TEX2: variants seen among roughly 807,000 people sequenced by gnomAD.
TEX2 encodes testis-expressed protein 2.
Under a neutral mutation model 106.9 loss-of-function variants are expected in TEX2, and 53 were observed. That is an observed-to-expected ratio of 0.50 (90% CI 0.40 to 0.62). The LOEUF (loss-of-function observed/expected upper bound fraction) is 0.62. Among genes scored for constraint, TEX2 ranks in the 20% least tolerant of loss-of-function variants. TEX2 has a pLI of 0.00. For synonymous variants in TEX2, 523 were observed against 534.8 expected (o/e 0.98, Z 0.30); for missense variants, 1,207 against 1,379.0 (o/e 0.88, Z 1.98).
rs369678103 is a variant in TEX2, at chr17:64,154,903, C to T, written c.2869G>A (p.Glu957Lys). 27 of 1,610,112 alleles carry T rather than the reference C, an allele frequency of 1.7e-5. No homozygotes were observed. The African/African-American group carries it at 2.5e-4, about 15-fold the overall frequency. ...DEESSSAGSS[E>K]EDDAPEPSGG... ...CTGGGCTCTGGGGCATCGTCTTCCT[C>T]GGAGGAGCCAGCGCTGGAGGATTCC... Residue 957 changes from glutamate (E) to lysine (K), a missense_variant, in exon 9 of 12, where the codon GAG becomes AAG. Coordinates refer to ENST00000584379, the MANE Select transcript of TEX2 (RefSeq NM_001288732.2).
chr17:64,248,991 C>T (rs1423174358), intron 1 of TEX2, among the ~76,000 whole-genome samples: 3 of 151,138 alleles, frequency 2.0e-5, no homozygotes, highest in Admixed American at 2.0e-4. Flanking sequence ...GCCGAGATTA[C>T]GCCACTGCAC....
In TEX2 at chr17:64,148,738, A is replaced by G. The variant is rs1036831407; in HGVS notation, c.*231T>C. 5.9e-6 allele frequency: 3 copies of G among 506,238 alleles called. No homozygotes were observed. Among genetic ancestry groups the G allele is most frequent in the South Asian group, 2.7e-5 (1 of 36,608 alleles). The allele number at this position is 506,238 out of a possible 1,614,324, so 31.4% of individuals were successfully genotyped here. On this transcript the variant is annotated 3_prime_UTR_variant, in exon 12 of 12. Coordinates refer to ENST00000584379, the MANE Select transcript of TEX2 (RefSeq NM_001288732.2). Reference sequence around the variant, plus strand: ...CTTCTGGATCCACCATGATTCTTCCATGGTCTCCTTTGCCAAATCAAAGCT... The same window carrying G: ...CTTCTGGATCCACCATGATTCTTCCGTGGTCTCCTTTGCCAAATCAAAGCT...
chr17:64,157,958 C>A (rs1288269407), intron 8 of TEX2, among the ~76,000 whole-genome samples: 1 of 152,204 alleles, frequency 6.6e-6, no homozygotes, highest in Non-Finnish European at 1.5e-5. Flanking sequence ...TAAAGGCCAC[C>A]CAAAAGGCAG....
At position 64,193,711 on chromosome 17, in the gene TEX2, T is replaced by G; in HGVS notation, c.2024A>C (p.Gln675Pro). 6.2e-7 allele frequency: 1 copy of G among 1,612,754 alleles called. No individual in the cohort carries two copies. The highest frequency in any genetic ancestry group is 8.5e-7 in the Non-Finnish European group (1 of 1,179,350). ...SEDPKKPPRP[Q>P]EGTRSSQRDQ... ...TCGCTGGCTAGATCTTGTTCCCTCC[T>G]GAGGGCGGGGTGGCTTCTTAGGGTC... Residue 675 changes from glutamine to proline, a missense_variant, in exon 4 of 12, where the codon CAG (glutamine) becomes CCG (proline). This residue lies in a region of TEX2 where 1,067 missense variants were observed against 1,193.6 expected (regional missense o/e 0.89). Coordinates refer to ENST00000584379, the MANE Select transcript of TEX2 (RefSeq NM_001288732.2).
At chr17:64,211,749 A>C (rs1288322487) in intron 2 of TEX2, among the ~76,000 whole-genome samples, 2 of 152,206 alleles carry the variant, frequency 1.3e-5, no homozygotes, top group African/African-American at 4.8e-5. Context: ...CTGTACATAA[A>C]TGTGTGTGTG....
At position 64,213,912 on chromosome 17, in the gene TEX2, C is replaced by T; in HGVS notation, c.306G>A (p.Gln102=). The T allele has an allele frequency of 6.2e-7, 1 of 1,614,220 alleles. No homozygotes were observed. The highest frequency in any genetic ancestry group is 1.3e-5 in the African/African-American group (1 of 75,042). ...TGGAGACGGGCAAAATGGCAGGGGC[C>T]TGGGACACGGACAGTCCATCTGCCA... is the stretch of plus-strand genomic sequence containing the variant. ...PVLADGLSVS[Q]APAILPVSKN... is the part of the protein sequence containing the mutation. Residue 102 remains glutamine, a synonymous_variant, in exon 2 of 12, where the codon CAG becomes CAA. Transcript: ENST00000584379. This position sits in a 1 kb window ranked among gnomAD's most constrained non-coding sequence, Gnocchi z 4.4.
Position 64,212,796 on chromosome 17 carries a change from C to T in TEX2, c.1422G>A (p.Lys474=), listed in dbSNP as rs782067178. The change falls in exon 2 of 12, where the codon AAG becomes AAA. Residue 474 remains lysine (K), a synonymous_variant. Coordinates refer to ENST00000584379, the MANE Select transcript of TEX2 (RefSeq NM_001288732.2). ...CACACATTATAAAGAAGCCCAACGT[C>T]TTCACTGGCAATTCCGGGTGCTGCA... ...SAVQHPELPV[K]TLGFFIMCVY... The T allele has an allele frequency of 6.2e-7, 1 of 1,614,136 alleles. No homozygotes were observed.
At chr17:64,199,957 C>A (rs1224301007) in intron 2 of TEX2, among the ~76,000 whole-genome samples, 2 of 152,212 alleles carry the variant, frequency 1.3e-5, no homozygotes, top group Non-Finnish European at 2.9e-5. Context: ...TCATTCAGTA[C>A]ATGGCAGTTT....
intron 1 of TEX2, among the ~76,000 whole-genome samples, chr17:64,222,842 G>T (rs1598200473): frequency 6.6e-6 from 1 of 151,990 alleles, no homozygotes; most frequent in African/African-American, 2.4e-5. Flanking sequence ...GGGGTGGGGT[G>T]GGGGAGGCTA....
At chr17:64,197,543 T>C (rs1271810663) in intron 2 of TEX2, among the ~76,000 whole-genome samples, 2 of 152,120 alleles carry the variant, frequency 1.3e-5, no homozygotes, top group Non-Finnish European at 2.9e-5. Flanking sequence ...CACATATATA[T>C]GTATATATGT....
intron 8 of TEX2, among the ~76,000 whole-genome samples, chr17:64,159,376 T>A (rs1320693041): frequency 6.6e-6 from 1 of 152,178 alleles, no homozygotes; most frequent in African/African-American, 2.4e-5. Flanking sequence ...TCTGCAACTC[T>A]GTCGTCATGA....
At chr17:64,164,717 TAA>T (rs1259573119) in intron 7 of TEX2, among the ~76,000 whole-genome samples, 1 of 151,922 alleles carries the variant, frequency 6.6e-6, no homozygotes, top group Non-Finnish European at 1.5e-5. Context: ...TGAAGAAAAA[TAA>T]AAGTGGCCTA....
Position 64,188,310 on chromosome 17 carries a change from T to G in TEX2, c.2282A>C (p.Gln761Pro). The G allele has an allele frequency of 6.2e-7, 1 of 1,614,196 alleles. No homozygotes were observed. The highest frequency in any genetic ancestry group is 8.5e-7 in the Non-Finnish European group (1 of 1,180,026). The part of the protein sequence containing the change: ...SVEEIMSQPK[Q>P]KELAGSVRQK... The stretch of plus-strand genomic sequence containing the variant: ...CCGCACGCTGCCTGCCAGCTCCTTC[T>G]GCTTTGGCTGTGACATGATCTCCTC... The change falls in exon 5 of 12, where the codon CAG (glutamine) becomes CCG (proline). Residue 761 changes from glutamine to proline, a missense_variant. Physicochemically the swap from Gln to Pro is moderately conservative, Grantham distance 76. This residue lies in a region of TEX2 where 1,067 missense variants were observed against 1,193.6 expected (regional missense o/e 0.89). Transcript: ENST00000584379.
chr17:64,177,204 T>C, intron 6 of TEX2, 121 bp downstream of exon 6: 1 of 1,159,166 alleles, frequency 8.6e-7, no homozygotes, highest in Non-Finnish European at 1.3e-6. Context: ...TTTGAGAACT[T>C]ACTACCCTCA....
In TEX2 at chr17:64,212,563, G is replaced by T; in HGVS notation, c.1644+11C>A. 1 of 1,607,190 alleles carries T rather than the reference G, an allele frequency of 6.2e-7. No individual in the cohort carries two copies. Among genetic ancestry groups the T allele is most frequent in the Non-Finnish European group, 8.5e-7 (1 of 1,175,656 alleles). ...GTGTGTGTACTAGCCAGCTCCCGGG[G>T]AGAGGCTTACCTTCAGTATTTCAGG... On this transcript the variant is annotated intron_variant, in intron 2 of 11. Coordinates refer to ENST00000584379, the MANE Select transcript of TEX2 (RefSeq NM_001288732.2).
intron 1 of TEX2, among the ~76,000 whole-genome samples, chr17:64,227,802 T>C (rs2033547436): frequency 6.6e-6 from 1 of 152,238 alleles, no homozygotes; most frequent in Admixed American, 6.5e-5. Flanking sequence ...AAAATGGGAA[T>C]GGCAACTGAC....
Position 64,217,954 on chromosome 17 carries a change from C to T in TEX2, c.-25-3712G>A, listed in dbSNP as rs151216891. The stretch of plus-strand genomic sequence containing the variant: ...GTGGTACACAAAATTAATCACGTCC[C>T]GTCCCAGAATGGATGAGGGTGGCAG... On this transcript the variant is annotated intron_variant, in intron 1 of 11. Transcript: ENST00000584379. This position sits in a 1 kb window ranked among gnomAD's most constrained non-coding sequence, Gnocchi z 4.3. Among the ~76,000 whole-genome samples the T allele has an allele frequency of 9.9e-4, 151 of 152,214 alleles. No homozygotes were observed. Among genetic ancestry groups the T allele is most frequent in the African/African-American group, 3.4e-3 (140 of 41,534 alleles).
At chr17:64,186,341 A>C (rs1016362329) in intron 5 of TEX2, among the ~76,000 whole-genome samples, 2 of 152,134 alleles carry the variant, frequency 1.3e-5, no homozygotes, top group African/African-American at 4.8e-5. Flanking sequence ...CTTCCCACTA[A>C]AGCTGGGGTG....
At chr17:64,212,549 A>C in intron 2 of TEX2, 25 bp downstream of exon 2, 3 of 1,591,214 alleles carry the variant, frequency 1.9e-6, no homozygotes, top group Non-Finnish European at 2.6e-6. Flanking sequence ...TGTGTGTACT[A>C]GCCAGCTCCC....
Sources: gnomAD v4.1 joint callset for allele counts (sites outside exome capture counted in the v4.1 genomes callset) on GRCh38, gnomAD v4.1.1 for gene constraint, gnomAD v4.1.1 regional missense constraint, Gnocchi (gnomAD v3.1) non-coding constraint, MANE v1.5 for transcripts, NCBI Gene and HGNC (gene_info 2026-07-23, HGNC 2026-07-21) for gene names.